Variants in KLHL13 observed in about 807,000 individuals in gnomAD.
The protein encoded by KLHL13 is kelch like family member 13, also known as kelch-like protein 13.
Under a neutral mutation model 37.1 loss-of-function variants are expected in KLHL13, and 10 were observed. The observed-to-expected ratio is 0.27, with a 90% CI of 0.17 to 0.46. KLHL13 has a LOEUF of 0.46. KLHL13 is among the 20% of genes least tolerant of loss of function. The pLI is 1.00. For synonymous variants in KLHL13, 163 were observed against 181.2 expected, an observed-to-expected ratio of 0.90 and a Z score of 0.81; for missense variants, 360 against 509.3, an observed-to-expected ratio of 0.71 and a Z score of 2.82.
intron 1 of KLHL13, among the ~76,000 whole-genome samples, chrX:118,072,811 G>A (rs758270793): frequency 8.9e-6 from 1 of 111,750 alleles, no homozygotes; most frequent in African/African-American, 3.2e-5. Flanking sequence ...AATGGAGAAA[G>A]AGGCTGGGCA....
At position 118,053,845 on chromosome X, in the gene KLHL13, GA is replaced by G. The variant is rs1394129896; in HGVS notation, c.-56+62662del. Among the ~76,000 whole-genome samples, 37 of 25,115 alleles carry G rather than the reference GA, an allele frequency of 1.5e-3. 1 individual carries two copies. The highest frequency in any genetic ancestry group is 1.9e-3 in the Non-Finnish European group (34 of 17,451). The allele number at this position is 25,115 out of a possible 115,157, so 21.8% of individuals were successfully genotyped here. On this transcript the variant is annotated intron_variant, in intron 1 of 6. Transcript: ENST00000371882. ...GAGAGGAGAGAGAGAGAGAGAGAGA[GA>G]GAGGAGAGAGAGAGAGAGAGAGAGA...
intron 1 of KLHL13, among the ~76,000 whole-genome samples, chrX:118,017,679 AAC>A (rs753758405): frequency 3.0e-4 from 33 of 111,701 alleles, no homozygotes; most frequent in Admixed American, 2.5e-3. Context: ...GCACTTAAGA[AAC>A]ACAATTATTT....
chrX:118,034,555 C>T (rs1214192644), intron 1 of KLHL13, among the ~76,000 whole-genome samples: 2 of 84,016 alleles, frequency 2.4e-5, no homozygotes, highest in Admixed American at 2.7e-4. Flanking sequence ...AGAACAAAGA[C>T]ACAACATACC....
At chrX:117,954,807 A>G (rs1312338649) in intron 1 of KLHL13, among the ~76,000 whole-genome samples, 1 of 112,118 alleles carries the variant, frequency 8.9e-6, no homozygotes, top group African/African-American at 3.2e-5. Flanking sequence ...TTCGCCCTAC[A>G]GCTAGCACCC....
At chrX:117,966,163 C>G (rs1210678560) in intron 1 of KLHL13, among the ~76,000 whole-genome samples, 2 of 111,841 alleles carry the variant, frequency 1.8e-5, no homozygotes, top group Non-Finnish European at 3.8e-5. Context: ...ACCCCATTGT[C>G]TCAGCCCAAA....
At chrX:118,090,322 A>T (rs5956007) in intron 1 of KLHL13, among the ~76,000 whole-genome samples, 26,946 of 110,031 alleles carry the variant, frequency 0.24, 5,553 homozygotes, top group African/African-American at 0.69. Context: ...GAAACTACCA[A>T]AAGAGTGAAC....
At chrX:117,971,248 TA>T (rs1177953632) in intron 1 of KLHL13, among the ~76,000 whole-genome samples, 1 of 111,684 alleles carries the variant, frequency 9.0e-6, no homozygotes, top group Non-Finnish European at 1.9e-5. Context: ...ATAACCATTA[TA>T]ATTGTAACCT....
At chrX:117,926,966 C>T (rs988732259) in intron 2 of KLHL13, among the ~76,000 whole-genome samples, 16 of 86,991 alleles carry the variant, frequency 1.8e-4, no homozygotes, top group African/African-American at 6.9e-4. Context: ...AGTGCAGTGG[C>T]GCAATCTCGG....
chrX:117,904,061 T>C (rs1930335518), intron 5 of KLHL13, among the ~76,000 whole-genome samples: 1 of 110,970 alleles, frequency 9.0e-6, no homozygotes, highest in East Asian at 2.8e-4. Flanking sequence ...ATAGTGGTTA[T>C]AAGAATCCAT....
intron 1 of KLHL13, among the ~76,000 whole-genome samples, chrX:118,092,072 G>C (rs1056060480): frequency 9.0e-6 from 1 of 111,653 alleles, no homozygotes; most frequent in African/African-American, 3.3e-5. Context: ...AGGGATGGGG[G>C]TGGCAAGGGA....
chrX:118,033,436 C>T (rs951671883), intron 1 of KLHL13, among the ~76,000 whole-genome samples: 3 of 111,091 alleles, frequency 2.7e-5, no homozygotes, highest in Non-Finnish European at 5.7e-5. Context: ...GGCCAATATT[C>T]GACATTCTTA....
chrX:117,969,546 G>C (rs904920837), intron 1 of KLHL13, among the ~76,000 whole-genome samples: 1 of 111,391 alleles, frequency 9.0e-6, no homozygotes, highest in African/African-American at 3.3e-5. Context: ...TCAACCTACT[G>C]TTGAACAGAG....
chrX:118,039,831 G>C (rs931777870), intron 1 of KLHL13, among the ~76,000 whole-genome samples: 1 of 111,530 alleles, frequency 9.0e-6, no homozygotes, highest in Non-Finnish European at 1.9e-5. Flanking sequence ...AGTCCCAGTG[G>C]TGGTTGCCAC....
intron 1 of KLHL13, among the ~76,000 whole-genome samples, chrX:117,999,503 T>A (rs944451215): frequency 9.3e-6 from 1 of 107,964 alleles, no homozygotes; most frequent in African/African-American, 3.4e-5. Flanking sequence ...TGAGAACACA[T>A]GGACACAGGA....
At chrX:118,002,046 G>A (rs1439743810) in intron 1 of KLHL13, among the ~76,000 whole-genome samples, 2 of 110,894 alleles carry the variant, frequency 1.8e-5, no homozygotes, top group South Asian at 3.8e-4. Context: ...AATCAAGTGC[G>A]GTAACAGTTA....
At chrX:117,979,529 A>G (rs1165891278) in intron 1 of KLHL13, among the ~76,000 whole-genome samples, 2 of 111,587 alleles carry the variant, frequency 1.8e-5, no homozygotes, top group South Asian at 7.6e-4. Context: ...AAAGCACTCA[A>G]TAAGTATTTG....
chrX:118,017,310 T>A (rs1359840233), intron 1 of KLHL13, among the ~76,000 whole-genome samples: 5 of 111,773 alleles, frequency 4.5e-5, no homozygotes, highest in Admixed American at 2.9e-4. Context: ...TGTGAATGCA[T>A]CATGCTTTTT....
At chrX:118,076,838 CTCTT>C (rs1314544142) in intron 1 of KLHL13, among the ~76,000 whole-genome samples, 4 of 109,322 alleles carry the variant, frequency 3.7e-5, no homozygotes, top group Non-Finnish European at 7.6e-5. Flanking sequence ...AATCTTTTTT[CTCTT>C]TCTTTTCTTT....
chrX:118,032,497 GC>G (rs2054368261), intron 1 of KLHL13, among the ~76,000 whole-genome samples: 2 of 111,737 alleles, frequency 1.8e-5, no homozygotes, highest in Non-Finnish European at 3.8e-5. Context: ...ACCTCACAGG[GC>G]CAGGTACTCC....
Sources: allele counts gnomAD v4.1 joint callset (sites outside exome capture counted in the v4.1 genomes callset), GRCh38; gene constraint gnomAD v4.1.1; transcripts MANE v1.5; gene names NCBI Gene and HGNC (gene_info 2026-07-23, HGNC 2026-07-21).